The following VOPP1 variants were observed in gnomAD, a reference collection of about 807,000 sequenced individuals.
VOPP1 encodes VOPP1 WW domain binding protein.
A neutral mutation model predicts 23.5 loss-of-function variants in VOPP1; 8 were observed. The ratio of observed to expected loss-of-function variants is 0.34; its 90% CI spans 0.20 to 0.61. VOPP1 has a LOEUF of 0.61. VOPP1 is among the 20% of genes least tolerant of loss of function. The probability of loss-of-function intolerance (pLI) is 0.78; values close to 1 mark genes in which losing one functional copy is unlikely to be tolerated. For missense variants in VOPP1, 174 were observed against 238.1 expected, an observed-to-expected ratio of 0.73 and a Z score of 1.77; for synonymous variants, 83 against 97.3, an observed-to-expected ratio of 0.85 and a Z score of 0.86.
At chr7:55,514,565 C>T (rs1162951094) in intron 2 of VOPP1, among the ~76,000 whole-genome samples, 2 of 152,100 alleles carry the variant, frequency 1.3e-5, no homozygotes, top group African/African-American at 4.8e-5. Context: ...TGGGCCAGGC[C>T]CTGAAGGGCA....
chr7:55,447,937 A>G (rs1791142725), intron 4 of VOPP1, among the ~76,000 whole-genome samples: 1 of 152,230 alleles, frequency 6.6e-6, no homozygotes, highest in Admixed American at 6.5e-5. Context: ...CATTATAATT[A>G]CAACTCATTG....
chr7:55,525,960 T>C (rs1220132938), intron 1 of VOPP1, among the ~76,000 whole-genome samples: 5 of 152,206 alleles, frequency 3.3e-5, no homozygotes, highest in Non-Finnish European at 7.3e-5. Context: ...ACAGAAATTA[T>C]GTGTGTGAGG....
chr7:55,552,790 G>C (rs1456593887), intron 1 of VOPP1: 3 of 1,512,016 alleles, frequency 2.0e-6, no homozygotes, highest in Non-Finnish European at 2.6e-6. Context: ...TGTTCTCCTA[G>C]GAAACCTCCC....
intron 1 of VOPP1, chr7:55,538,735 T>C (rs1237278576): frequency 1.5e-6 from 2 of 1,328,188 alleles, no homozygotes; most frequent in African/African-American, 1.5e-5. Flanking sequence ...GTCATGGCCA[T>C]TCCTATAAAG....
intron 2 of VOPP1, among the ~76,000 whole-genome samples, chr7:55,517,095 A>G (rs1795502983): frequency 6.7e-6 from 1 of 149,850 alleles, no homozygotes; most frequent in African/African-American, 2.5e-5. Flanking sequence ...TTGTGCTACC[A>G]TGTCCAGCTA....
intron 2 of VOPP1, chr7:55,516,120 A>AGGTGTCTGCTCTT: frequency 5.3e-6 from 3 of 571,420 alleles, no homozygotes; most frequent in Non-Finnish European, 6.6e-6. Flanking sequence ...ACATGTTACT[A>AGGTGTCTGCTCTT]AGAGCAGACA....
At chr7:55,570,151 A>G (rs968852407) in intron 1 of VOPP1, among the ~76,000 whole-genome samples, 2 of 152,194 alleles carry the variant, frequency 1.3e-5, no homozygotes, top group African/African-American at 4.8e-5. Context: ...TATGTGATTC[A>G]GGACTTCAGA....
At chr7:55,492,203 T>C in intron 4 of VOPP1, 79 bp downstream of exon 4, 1 of 1,497,934 alleles carries the variant, frequency 6.7e-7, no homozygotes, top group African/African-American at 1.4e-5. Flanking sequence ...GCAGTACCCT[T>C]TCTGCAGCAG....
intron 2 of VOPP1, among the ~76,000 whole-genome samples, chr7:55,519,523 C>T (rs1269037613): frequency 6.7e-6 from 1 of 149,588 alleles, no homozygotes; most frequent in Non-Finnish European, 1.5e-5. Flanking sequence ...AGGAAATAGG[C>T]GTACTGATGA....
At chr7:55,506,701 C>T (rs1794751985) in intron 2 of VOPP1, among the ~76,000 whole-genome samples, 1 of 151,908 alleles carries the variant, frequency 6.6e-6, no homozygotes, top group Non-Finnish European at 1.5e-5. Context: ...TTCAATGGTG[C>T]GATCTTGGTT....
chr7:55,447,186 T>C (rs1219552264), intron 4 of VOPP1, among the ~76,000 whole-genome samples: 1 of 152,128 alleles, frequency 6.6e-6, no homozygotes, highest in Non-Finnish European at 1.5e-5. Flanking sequence ...CTTTTCCAGG[T>C]ACTATAGAAG....
At chr7:55,480,655 T>C (rs1423570843) in intron 4 of VOPP1, among the ~76,000 whole-genome samples, 1 of 152,260 alleles carries the variant, frequency 6.6e-6, no homozygotes, top group Non-Finnish European at 1.5e-5. Context: ...CTGAGCCTCT[T>C]TTGAGGAGAG....
intron 2 of VOPP1, among the ~76,000 whole-genome samples, chr7:55,519,238 G>A (rs959315372): frequency 3.9e-5 from 6 of 152,230 alleles, no homozygotes; most frequent in African/African-American, 9.6e-5. Flanking sequence ...AGAAAAGCGC[G>A]AAAGGAAACT....
intron 4 of VOPP1, among the ~76,000 whole-genome samples, chr7:55,481,647 T>C (rs190112753): frequency 8.3e-4 from 126 of 152,330 alleles, no homozygotes; most frequent in Non-Finnish European, 1.6e-3. Context: ...TCCAAGTGGG[T>C]GCAGAGCATG....
At chr7:55,549,267 G>A (rs1171795406) in intron 1 of VOPP1, among the ~76,000 whole-genome samples, 1 of 152,240 alleles carries the variant, frequency 6.6e-6, no homozygotes, top group African/African-American at 2.4e-5. Flanking sequence ...GGGGCAAAAA[G>A]ATGAACAAGG....
chr7:55,548,462 T>C (rs1203318564), intron 1 of VOPP1, among the ~76,000 whole-genome samples: 2 of 152,220 alleles, frequency 1.3e-5, no homozygotes, highest in African/African-American at 4.8e-5. Context: ...CTTCCTGTTT[T>C]CTCACATTAG....
intron 2 of VOPP1, among the ~76,000 whole-genome samples, chr7:55,504,524 C>A (rs1171190688): frequency 6.6e-6 from 1 of 152,238 alleles, no homozygotes; most frequent in Non-Finnish European, 1.5e-5. Flanking sequence ...GAGCTCTGTG[C>A]CTCACCTGGA....
chr7:55,555,602 T>C (rs997097884), intron 1 of VOPP1, among the ~76,000 whole-genome samples: 9 of 152,180 alleles, frequency 5.9e-5, no homozygotes, highest in African/African-American at 1.9e-4. Flanking sequence ...AGGGTATTGT[T>C]CTAAGCAGCC....
intron 1 of VOPP1, chr7:55,521,950 A>G: frequency 1.0e-6 from 1 of 959,906 alleles, no homozygotes; most frequent in Non-Finnish European, 1.2e-6. Flanking sequence ...TACATTCACA[A>G]CGTCCTACTT....
Sources: allele counts gnomAD v4.1 joint callset (sites outside exome capture counted in the v4.1 genomes callset), GRCh38; gene constraint gnomAD v4.1.1; transcripts MANE v1.5; gene names NCBI Gene and HGNC (gene_info 2026-07-23, HGNC 2026-07-21).